EVA1C: variants seen among roughly 807,000 people sequenced by gnomAD.
EVA1C encodes eva-1 homolog C.
Under a neutral mutation model 45.4 loss-of-function variants are expected in EVA1C, and 25 were observed. The ratio of observed to expected loss-of-function variants is 0.55; its 90% CI spans 0.40 to 0.77. The LOEUF (loss-of-function observed/expected upper bound fraction) is 0.77. Among genes scored for constraint, EVA1C ranks in the 30% least tolerant of loss-of-function variants. The probability of loss-of-function intolerance (pLI) is 0.00; values close to 1 mark genes in which losing one functional copy is unlikely to be tolerated. For missense variants in EVA1C, 479 were observed against 554.8 expected, an observed-to-expected ratio of 0.86 and a Z score of 1.37; for synonymous variants, 190 against 221.2, an observed-to-expected ratio of 0.86 and a Z score of 1.25.
chr21:32,511,838 A>G (rs1310831255), intron 7 of EVA1C, among the ~76,000 whole-genome samples: 1 of 152,162 alleles, frequency 6.6e-6, no homozygotes, highest in Admixed American at 6.5e-5. Context: ...TTGACCAGGG[A>G]CATTGACAAG....
chr21:32,487,675 G>A (rs778580560), intron 4 of EVA1C, among the ~76,000 whole-genome samples: 13 of 151,022 alleles, frequency 8.6e-5, no homozygotes, highest in Non-Finnish European at 1.5e-4. Flanking sequence ...AGCCAAAATC[G>A]CGCCATTGCC....
In EVA1C at chr21:32,467,837, T is replaced by C. The variant is rs757227833; in HGVS notation, c.623T>C (p.Leu208Pro). ...RDICSSKAER[L>P]PPFDCLSYSA... ...ATCTGCTCCTCCAAGGCAGAGCGGC[T>C]CCCCCCTTTCGGTATGTGCTTTTGT... Residue 208 changes from leucine to proline, a missense_variant, in exon 4 of 8, where the codon CTC (leucine) becomes CCC (proline). Physicochemically the swap from Leu to Pro is moderately conservative, Grantham distance 98. Around this residue, in one of 3 missense-constraint regions of EVA1C, gnomAD observed 366 missense variants for 426.1 expected, o/e 0.86. Coordinates refer to ENST00000300255, the MANE Select transcript of EVA1C (RefSeq NM_058187.5). The C allele has an allele frequency of 1.2e-6, 2 of 1,608,272 alleles. No homozygotes were observed. The highest frequency in any genetic ancestry group is 4.5e-5 in the East Asian group (2 of 44,474).
intron 1 of EVA1C, among the ~76,000 whole-genome samples, chr21:32,442,895 AAG>A (rs1354427961): frequency 6.6e-6 from 1 of 151,850 alleles, no homozygotes; most frequent in Non-Finnish European, 1.5e-5. Flanking sequence ...TCAGAAAAGA[AAG>A]AGAGGAAAAT....
At chr21:32,468,038 A>C in intron 4 of EVA1C, 190 bp downstream of exon 4, 1 of 296,766 alleles carries the variant, frequency 3.4e-6, no homozygotes, top group Non-Finnish European at 5.9e-6. Context: ...ATATATATAA[A>C]TGCTTGTAAA....
chr21:32,462,606 C>T (rs895599406), intron 3 of EVA1C, among the ~76,000 whole-genome samples: 4 of 152,208 alleles, frequency 2.6e-5, no homozygotes, highest in Admixed American at 6.5e-5. Flanking sequence ...TAAAGAAAAT[C>T]TCTGCCACAC....
intron 1 of EVA1C, among the ~76,000 whole-genome samples, chr21:32,415,765 G>A (rs1170228135): frequency 6.6e-6 from 1 of 152,032 alleles, no homozygotes; most frequent in Non-Finnish European, 1.5e-5. Context: ...TTGAGATGTC[G>A]CCAGCGGCCA....
intron 6 of EVA1C, among the ~76,000 whole-genome samples, chr21:32,502,049 TTTCTTC>T (rs1568950018): frequency 2.2e-5 from 3 of 138,532 alleles, no homozygotes; most frequent in East Asian, 2.2e-4. Flanking sequence ...TCTTTCTTTC[TTTCTTC>T]TTTCTTTCTT....
intron 7 of EVA1C, among the ~76,000 whole-genome samples, chr21:32,514,090 C>T (rs1369416747): frequency 6.6e-6 from 1 of 152,220 alleles, no homozygotes; most frequent in African/African-American, 2.4e-5. Flanking sequence ...GGAGAATGTG[C>T]TTAGGTTTTA....
intron 4 of EVA1C, among the ~76,000 whole-genome samples, chr21:32,477,722 TCCC>T (rs2036620786): frequency 4.3e-5 from 1 of 23,246 alleles, no homozygotes; most frequent in Non-Finnish European, 8.3e-5. Context: ...CGCCCTCACC[TCCC>T]CCGTACGCCC....
Position 32,514,944 on chromosome 21 carries a change from G to A in EVA1C, c.1080G>A (p.Gln360=). The part of the protein sequence containing the change: ...DFRDLQLGRE[Q]LVPGSDKVEE... ...GCGACTTGCAGCTGGGGAGGGAGCA[G>A]CTGGTGCCAGGAAGTGACAAGGTCG... Residue 360 remains glutamine, a synonymous_variant, in exon 8 of 8, where the codon CAG becomes CAA. Transcript: ENST00000300255. 6.2e-7 allele frequency: 1 copy of A among 1,614,180 alleles called. No homozygotes were observed. The highest frequency in any genetic ancestry group is 1.3e-5 in the African/African-American group (1 of 75,040).
chr21:32,419,654 G>T (rs2034187017), intron 1 of EVA1C, among the ~76,000 whole-genome samples: 4 of 152,198 alleles, frequency 2.6e-5, no homozygotes. Flanking sequence ...GGTGAAGGTT[G>T]CAGTGAGCCG....
intron 7 of EVA1C, among the ~76,000 whole-genome samples, chr21:32,508,731 C>T (rs1362756364): frequency 1.3e-5 from 2 of 152,164 alleles, no homozygotes; most frequent in Non-Finnish European, 1.5e-5. Context: ...GCAATAGGGC[C>T]CCAACAGGGG....
chr21:32,507,446 CTA>C (rs1177427111), intron 7 of EVA1C, among the ~76,000 whole-genome samples: 4 of 137,710 alleles, frequency 2.9e-5, no homozygotes, highest in African/African-American at 1.1e-4. Context: ...GCATAGGTGT[CTA>C]TGCGTGTGCG....
At chr21:32,427,855 T>TA (rs35551211) in intron 1 of EVA1C, among the ~76,000 whole-genome samples, 2 of 122,540 alleles carry the variant, frequency 1.6e-5, no homozygotes, top group Non-Finnish European at 3.4e-5. Flanking sequence ...CCATCTCTAT[T>TA]AAAAAAAAAA....
chr21:32,443,817 C>A (rs577716249), intron 1 of EVA1C, among the ~76,000 whole-genome samples: 1 of 152,244 alleles, frequency 6.6e-6, no homozygotes, highest in African/African-American at 2.4e-5. Context: ...CTTGCACATC[C>A]AGTGAACCAA....
At chr21:32,484,368 AC>A (rs1477992804) in intron 4 of EVA1C, among the ~76,000 whole-genome samples, 1 of 151,992 alleles carries the variant, frequency 6.6e-6, no homozygotes, top group African/African-American at 2.4e-5. Context: ...AGATGGTGAA[AC>A]CCCATCTCTA....
At chr21:32,460,312 G>C (rs1360214209) in intron 3 of EVA1C, among the ~76,000 whole-genome samples, 1 of 152,136 alleles carries the variant, frequency 6.6e-6, no homozygotes, top group Non-Finnish European at 1.5e-5. Flanking sequence ...CCTTTCAAGA[G>C]AGGCTTTCTC....
chr21:32,492,419 G>A (rs968166333), intron 4 of EVA1C, among the ~76,000 whole-genome samples: 1 of 152,160 alleles, frequency 6.6e-6, no homozygotes, highest in Admixed American at 6.5e-5. Flanking sequence ...TTTCTAGAAG[G>A]CTGACTGAAG....
intron 1 of EVA1C, among the ~76,000 whole-genome samples, chr21:32,438,509 C>A (rs1442596002): frequency 6.3e-4 from 68 of 107,198 alleles, no homozygotes; most frequent in Admixed American, 1.3e-3. Flanking sequence ...AAAAAAAAAA[C>A]CAAAACGACC....
Sources: allele counts gnomAD v4.1 joint callset (sites outside exome capture counted in the v4.1 genomes callset), GRCh38; gene constraint gnomAD v4.1.1; regional missense constraint gnomAD v4.1.1; transcripts MANE v1.5; gene names NCBI Gene and HGNC (gene_info 2026-07-23, HGNC 2026-07-21).